The following CCSER1 variants were observed in gnomAD, a reference collection of about 807,000 sequenced individuals.
CCSER1 encodes the protein coiled-coil serine rich protein 1, also known as serine-rich coiled-coil domain-containing protein 1.
CCSER1 carries 41 observed loss-of-function variants against 82.0 expected under a neutral mutation model. The observed-to-expected ratio is 0.50, with a 90% CI of 0.39 to 0.65. CCSER1 has a LOEUF of 0.65. Among genes scored for constraint, CCSER1 ranks in the 30% least tolerant of loss-of-function variants. The pLI is 0.00. For missense variants in CCSER1, 1,119 were observed against 1,064.2 expected (o/e 1.05, Z -0.72); for synonymous variants, 414 against 383.9 (o/e 1.08, Z -0.92).
At chr4:91,507,077 G>A (rs892626648) in intron 10 of CCSER1, among the ~76,000 whole-genome samples, 9 of 152,166 alleles carry the variant, frequency 5.9e-5, no homozygotes, top group African/African-American at 1.2e-4. Context: ...TATTATGAAC[G>A]AAACTTTTAA....
At chr4:91,370,448 G>C (rs1399396094) in intron 10 of CCSER1, among the ~76,000 whole-genome samples, 1 of 152,138 alleles carries the variant, frequency 6.6e-6, no homozygotes, top group Non-Finnish European at 1.5e-5. Context: ...TGTAATCCCA[G>C]CACTTTGGGA....
chr4:90,253,759 G>A (rs1268262236), intron 1 of CCSER1, among the ~76,000 whole-genome samples: 1 of 152,098 alleles, frequency 6.6e-6, no homozygotes, highest in Non-Finnish European at 1.5e-5. Context: ...ACACACTCTG[G>A]TCTTTGTTCT....
intron 1 of CCSER1, among the ~76,000 whole-genome samples, chr4:90,236,485 T>G (rs891615233): frequency 6.6e-6 from 1 of 152,158 alleles, no homozygotes; most frequent in Admixed American, 6.5e-5. Flanking sequence ...GACTATTTTA[T>G]TTTTCTTAAG....
intron 5 of CCSER1, among the ~76,000 whole-genome samples, chr4:90,586,175 G>C (rs558047397): frequency 6.6e-6 from 1 of 152,208 alleles, no homozygotes; most frequent in African/African-American, 2.4e-5. Flanking sequence ...TTAGATTCAT[G>C]AGAGCACGAA....
At chr4:90,267,808 A>G (rs1208631535) in intron 1 of CCSER1, among the ~76,000 whole-genome samples, 1 of 152,220 alleles carries the variant, frequency 6.6e-6, no homozygotes, top group Non-Finnish European at 1.5e-5. Context: ...ATATGGCTTC[A>G]GTGAACAAAA....
At chr4:91,480,547 C>A (rs897166308) in intron 10 of CCSER1, among the ~76,000 whole-genome samples, 9 of 152,174 alleles carry the variant, frequency 5.9e-5, no homozygotes, top group Non-Finnish European at 1.0e-4. Flanking sequence ...TGACACCAAT[C>A]TTTGTTTTTG....
At chr4:91,504,873 C>T (rs911806766) in intron 10 of CCSER1, among the ~76,000 whole-genome samples, 1 of 152,102 alleles carries the variant, frequency 6.6e-6, no homozygotes, top group Non-Finnish European at 1.5e-5. Flanking sequence ...GCATGCCCAT[C>T]TGATTTTTGA....
At chr4:90,580,493 A>G (rs1781308731) in intron 5 of CCSER1, among the ~76,000 whole-genome samples, 6 of 152,204 alleles carry the variant, frequency 3.9e-5, no homozygotes, top group Admixed American at 3.9e-4. Flanking sequence ...AAAAATAAGC[A>G]TTCACTGTAA....
chr4:90,959,775 A>G (rs1284929633), intron 9 of CCSER1, among the ~76,000 whole-genome samples: 1 of 148,738 alleles, frequency 6.7e-6, no homozygotes, highest in African/African-American at 2.5e-5. Context: ...TCTGATAGCA[A>G]TTTGCCTTCT....
chr4:90,276,230 C>CTTTCT (rs1560929537), intron 1 of CCSER1, among the ~76,000 whole-genome samples: 3 of 106,252 alleles, frequency 2.8e-5, no homozygotes, highest in Non-Finnish European at 5.7e-5. Context: ...TTCTTTCTTT[C>CTTTCT]TTTCTTTCTT....
At chr4:91,505,317 C>T (rs1312475752) in intron 10 of CCSER1, among the ~76,000 whole-genome samples, 1 of 152,220 alleles carries the variant, frequency 6.6e-6, no homozygotes, top group Non-Finnish European at 1.5e-5. Context: ...ATATGTACCA[C>T]ATTTTCTTTA....
chr4:90,622,429 C>T (rs1400493761), intron 5 of CCSER1, among the ~76,000 whole-genome samples: 1 of 152,170 alleles, frequency 6.6e-6, no homozygotes, highest in Non-Finnish European at 1.5e-5. Flanking sequence ...TGCCCCAACC[C>T]CTCGACAGGC....
intron 1 of CCSER1, among the ~76,000 whole-genome samples, chr4:90,304,929 T>A (rs922653258): frequency 1.1e-4 from 16 of 152,036 alleles, no homozygotes; most frequent in Non-Finnish European, 2.2e-4. Flanking sequence ...TTTTATTTTT[T>A]TTTTTGAGAC....
At chr4:91,309,530 G>A (rs780155126) in intron 10 of CCSER1, among the ~76,000 whole-genome samples, 2 of 151,978 alleles carry the variant, frequency 1.3e-5, no homozygotes, top group African/African-American at 2.4e-5. Flanking sequence ...GGTGGTTATC[G>A]ATTTTCCTTT....
At chr4:91,092,398 C>T (rs1418698528) in intron 10 of CCSER1, among the ~76,000 whole-genome samples, 5 of 152,176 alleles carry the variant, frequency 3.3e-5, no homozygotes, top group Non-Finnish European at 7.3e-5. Flanking sequence ...CACACTAGAA[C>T]CAGTAAATAC....
intron 1 of CCSER1, among the ~76,000 whole-genome samples, chr4:90,228,193 G>T (rs762612136): frequency 6.6e-6 from 1 of 152,178 alleles, no homozygotes; most frequent in Non-Finnish European, 1.5e-5. Context: ...CAAAAAGACC[G>T]CAGTAACCTC....
intron 9 of CCSER1, among the ~76,000 whole-genome samples, chr4:91,014,809 T>G (rs1739286843): frequency 6.6e-6 from 1 of 152,186 alleles, no homozygotes; most frequent in South Asian, 2.1e-4. Context: ...TACTGTAATA[T>G]TTTTTCTGTT....
At chr4:90,585,220 G>A (rs1781863688) in intron 5 of CCSER1, among the ~76,000 whole-genome samples, 1 of 152,156 alleles carries the variant, frequency 6.6e-6, no homozygotes, top group South Asian at 2.1e-4. Flanking sequence ...GAAAAAACTG[G>A]TAATAGTTAA....
chr4:90,957,547 T>C (rs1201057567), intron 9 of CCSER1, among the ~76,000 whole-genome samples: 4 of 91,728 alleles, frequency 4.4e-5, no homozygotes, highest in African/African-American at 1.2e-4. Context: ...TATTATATAA[T>C]TATATTATAT....
Sources: allele counts gnomAD v4.1 joint callset (sites outside exome capture counted in the v4.1 genomes callset), GRCh38; gene constraint gnomAD v4.1.1; transcripts MANE v1.5; gene names NCBI Gene and HGNC (gene_info 2026-07-23, HGNC 2026-07-21).